LINGO2: variants seen among roughly 807,000 people sequenced by gnomAD.
LINGO2 encodes leucine-rich repeat and immunoglobulin-like domain-containing nogo receptor-interacting protein 2.
In LINGO2, 14 loss-of-function variants were observed where a neutral mutation model predicts 30.6. That is an observed-to-expected ratio of 0.46 (90% CI 0.30 to 0.72). The LOEUF (loss-of-function observed/expected upper bound fraction) is 0.72, where lower values mean the gene tolerates loss of function less well. Ranked by LOEUF, LINGO2 falls within the 30% of genes least tolerant of loss-of-function variation. The pLI, the probability that LINGO2 is intolerant of heterozygous loss-of-function variation, is 0.07. For synonymous variants in LINGO2, 317 were observed against 288.5 expected, an observed-to-expected ratio of 1.10 and a Z score of -1.00; for missense variants, 729 against 751.7, an observed-to-expected ratio of 0.97 and a Z score of 0.35.
intron 1 of LINGO2, among the ~76,000 whole-genome samples, chr9:28,498,531 C>T (rs1322169484): frequency 1.3e-5 from 2 of 152,152 alleles, no homozygotes; most frequent in African/African-American, 2.4e-5. Context: ...GTGGGAGTTA[C>T]CCCATTTTCC....
At chr9:28,839,119 G>T in the LINGO2 span, among the ~76,000 whole-genome samples, 13 of 152,206 alleles carry the variant, frequency 8.5e-5, no homozygotes, top group Non-Finnish European at 1.9e-4. Flanking sequence ...CTAGCTCTGG[G>T]CTCCCCAAGG....
chr9:28,640,359 T>C (rs1827511800), intron 1 of LINGO2, among the ~76,000 whole-genome samples: 1 of 152,086 alleles, frequency 6.6e-6, no homozygotes. Flanking sequence ...TTAAGTTGAA[T>C]GTTGGCCTGC....
At chr9:28,720,508 C>A in the LINGO2 span, among the ~76,000 whole-genome samples, 1 of 151,930 alleles carries the variant, frequency 6.6e-6, no homozygotes, top group African/African-American at 2.4e-5. Context: ...TGTCTCTTTC[C>A]CCCAGTTCTC....
intron 2 of LINGO2, among the ~76,000 whole-genome samples, chr9:28,416,733 A>G (rs1040966667): frequency 1.3e-5 from 2 of 152,184 alleles, no homozygotes; most frequent in Admixed American, 6.6e-5. Flanking sequence ...AGCAATGAAC[A>G]GTGGAGTGTT....
At chr9:28,045,237 A>C (rs1824365882) in intron 4 of LINGO2, among the ~76,000 whole-genome samples, 1 of 152,116 alleles carries the variant, frequency 6.6e-6, no homozygotes, top group South Asian at 2.1e-4. Context: ...AACAAATCTA[A>C]AACACTGAGC....
At chr9:29,117,369 A>C in the LINGO2 span, among the ~76,000 whole-genome samples, 1 of 152,206 alleles carries the variant, frequency 6.6e-6, no homozygotes, top group Non-Finnish European at 1.5e-5. Flanking sequence ...ACGTATTTCC[A>C]CCATAGTCAA....
chr9:28,752,143 A>T, the LINGO2 span, among the ~76,000 whole-genome samples: 1 of 152,162 alleles, frequency 6.6e-6, no homozygotes, highest in Admixed American at 6.5e-5. Context: ...TTAAAATAAT[A>T]ATATTGAGAC....
At chr9:28,189,501 A>G (rs199712825) in intron 4 of LINGO2, among the ~76,000 whole-genome samples, 359 of 11,400 alleles carry the variant, frequency 0.031, 3 homozygotes, top group Admixed American at 0.063. Flanking sequence ...GGAAGGGAGG[A>G]AGGAAGGAAG....
chr9:28,522,813 G>A (rs924403032), intron 1 of LINGO2, among the ~76,000 whole-genome samples: 2 of 151,816 alleles, frequency 1.3e-5, no homozygotes, highest in Non-Finnish European at 2.9e-5. Flanking sequence ...AACCTATGAA[G>A]GAAAACAGCT....
the LINGO2 span, among the ~76,000 whole-genome samples, chr9:28,744,076 AT>A: frequency 6.8e-6 from 1 of 147,950 alleles, no homozygotes; most frequent in Non-Finnish European, 1.5e-5. Flanking sequence ...GCTAGCTCAA[AT>A]CTACTCTTGA....
chr9:27,987,998 C>T (rs1031014849), intron 5 of LINGO2, among the ~76,000 whole-genome samples: 5 of 151,992 alleles, frequency 3.3e-5, no homozygotes, highest in Admixed American at 2.0e-4. Flanking sequence ...GCTATCCCTC[C>T]TCCATCCCTC....
chr9:28,634,898 A>G (rs534696944), intron 1 of LINGO2, among the ~76,000 whole-genome samples: 19 of 152,282 alleles, frequency 1.2e-4, no homozygotes, highest in Admixed American at 6.5e-4. Context: ...TTTTGCCCCA[A>G]TAAAAGGTTT....
chr9:28,156,562 A>C (rs147069447), intron 4 of LINGO2, among the ~76,000 whole-genome samples: 1 of 152,240 alleles, frequency 6.6e-6, no homozygotes, highest in Admixed American at 6.5e-5. Flanking sequence ...GATGGAAACA[A>C]TAATTGATGT....
At chr9:27,938,801 G>A in the LINGO2 span, 1 of 152,188 alleles carries the variant, frequency 6.6e-6, no homozygotes, top group Non-Finnish European at 1.5e-5. Context: ...CGATTACTAT[G>A]ATAATGGATA....
chr9:28,875,965 G>A, the LINGO2 span, among the ~76,000 whole-genome samples: 2 of 151,934 alleles, frequency 1.3e-5, no homozygotes, highest in South Asian at 4.1e-4. Context: ...TCAATCAACT[G>A]GCTCTGACAT....
At chr9:28,316,804 A>T (rs542933673) in intron 3 of LINGO2, among the ~76,000 whole-genome samples, 166 of 152,286 alleles carry the variant, frequency 1.1e-3, no homozygotes, top group Non-Finnish European at 1.9e-3. Flanking sequence ...GCCTTTCAGA[A>T]AGACGTTTAA....
At chr9:29,099,474 T>C in the LINGO2 span, among the ~76,000 whole-genome samples, 4 of 152,128 alleles carry the variant, frequency 2.6e-5, no homozygotes, top group Non-Finnish European at 5.9e-5. Context: ...AATATCTGTA[T>C]ACTACCCATC....
chr9:28,043,802 T>C (rs1407832305), intron 4 of LINGO2, among the ~76,000 whole-genome samples: 1 of 152,208 alleles, frequency 6.6e-6, no homozygotes, highest in Non-Finnish European at 1.5e-5. Context: ...TTTGCATATA[T>C]ATCTCCAGGA....
chr9:28,706,070 T>A, the LINGO2 span, among the ~76,000 whole-genome samples: 1 of 152,154 alleles, frequency 6.6e-6, no homozygotes, highest in Non-Finnish European at 1.5e-5. Context: ...GGCACAAATC[T>A]TCTGTATACC....
Sources: allele counts gnomAD v4.1 joint callset (sites outside exome capture counted in the v4.1 genomes callset), GRCh38; gene constraint gnomAD v4.1.1; transcripts MANE v1.5; gene names NCBI Gene and HGNC (gene_info 2026-07-23, HGNC 2026-07-21).